Variants in WWOX observed in about 807,000 individuals in gnomAD.
WWOX encodes WW domain-containing oxidoreductase.
Under a neutral mutation model 46.2 loss-of-function variants are expected in WWOX, and 69 were observed. The ratio of observed to expected loss-of-function variants is 1.49; its 90% CI spans 1.23 to 1.82. The LOEUF (loss-of-function observed/expected upper bound fraction) is 1.82, where lower values mean the gene tolerates loss of function less well. Ranked by LOEUF, WWOX falls within the 40% of genes most tolerant of loss-of-function variation. The probability of loss-of-function intolerance (pLI) is 0.00; values close to 1 mark genes in which losing one functional copy is unlikely to be tolerated. For missense variants in WWOX, 919 were observed against 542.6 expected, an observed-to-expected ratio of 1.69 and a Z score of -6.89; for synonymous variants, 359 against 202.6, an observed-to-expected ratio of 1.77 and a Z score of -6.56.
At chr16:78,894,434 C>G (rs188943946) in intron 8 of WWOX, among the ~76,000 whole-genome samples, 2 of 152,108 alleles carry the variant, frequency 1.3e-5, no homozygotes, top group Non-Finnish European at 2.9e-5. Flanking sequence ...TCATAAAGTC[C>G]TAGACTATTT....
At position 78,989,312 on chromosome 16, in the gene WWOX, A is replaced by G. The variant is rs1326282553; in HGVS notation, c.1057-222296A>G. 3.9e-5 allele frequency among the ~76,000 whole-genome samples: 6 copies of G among 152,184 alleles called. No homozygotes were observed. The East Asian group carries it at 1.2e-3, about 29-fold the overall frequency. Reference sequence around the variant, plus strand: ...TTTGATTAGTTCAATATCAAGAGCTAAATACATTAGCTTATATATATGTCT... The same window carrying G: ...TTTGATTAGTTCAATATCAAGAGCTGAATACATTAGCTTATATATATGTCT... On this transcript the variant is annotated intron_variant, in intron 8 of 8. Transcript: ENST00000566780.
chr16:78,865,288 C>G (rs570983450), intron 8 of WWOX, among the ~76,000 whole-genome samples: 6 of 152,052 alleles, frequency 3.9e-5, no homozygotes, highest in South Asian at 2.1e-4. Context: ...CTCTGTTATT[C>G]CTTGCCAATC....
intron 8 of WWOX, among the ~76,000 whole-genome samples, chr16:79,055,569 C>T (rs1046724483): frequency 6.6e-6 from 1 of 152,172 alleles, no homozygotes; most frequent in Non-Finnish European, 1.5e-5. Flanking sequence ...GAAGTTACTT[C>T]CCATTCCCCA....
At chr16:78,790,147 A>T (rs73575619) in intron 8 of WWOX, among the ~76,000 whole-genome samples, 5 of 152,040 alleles carry the variant, frequency 3.3e-5, no homozygotes, top group African/African-American at 1.2e-4. Flanking sequence ...AATTTATTTT[A>T]TTTTTTTGGG....
At chr16:79,047,891 A>C (rs1157170817) in intron 8 of WWOX, among the ~76,000 whole-genome samples, 2 of 151,304 alleles carry the variant, frequency 1.3e-5, no homozygotes, top group Non-Finnish European at 2.9e-5. Context: ...TCAGATTCAC[A>C]GACTCTGCAT....
intron 8 of WWOX, among the ~76,000 whole-genome samples, chr16:78,508,030 C>T (rs1028116675): frequency 8.7e-4 from 121 of 139,520 alleles, no homozygotes; most frequent in African/African-American, 3.0e-3. Context: ...GTGTGTGTGA[C>T]GGAGTCTTGC....
At chr16:78,760,935 T>C (rs2142488000) in intron 8 of WWOX, among the ~76,000 whole-genome samples, 1 of 152,190 alleles carries the variant, frequency 6.6e-6, no homozygotes, top group East Asian at 1.9e-4. Context: ...GAAGAGAGCT[T>C]GTGCAGGGAA....
chr16:78,385,233 G>A (rs1426645816), intron 5 of WWOX, among the ~76,000 whole-genome samples: 2 of 151,974 alleles, frequency 1.3e-5, no homozygotes, highest in Non-Finnish European at 2.9e-5. Flanking sequence ...CTGGTCTGAT[G>A]TGGCCTTCAG....
chr16:78,631,989 A>G (rs1567450374), intron 8 of WWOX, among the ~76,000 whole-genome samples: 2 of 151,804 alleles, frequency 1.3e-5, no homozygotes, highest in Admixed American at 6.5e-5. Flanking sequence ...TCGGAAAAAT[A>G]AAACAAAGTT....
At chr16:78,427,838 C>G (rs1432068018) in intron 7 of WWOX, among the ~76,000 whole-genome samples, 2 of 152,050 alleles carry the variant, frequency 1.3e-5, no homozygotes, top group East Asian at 3.9e-4. Flanking sequence ...CAGTGTCTCA[C>G]GCCTGTAATC....
chr16:78,989,699 A>G (rs4362402), intron 8 of WWOX, among the ~76,000 whole-genome samples: 150,719 of 152,226 alleles, frequency 0.99, 74,634 homozygotes, highest in East Asian at 1. Flanking sequence ...TGAGTAAGCC[A>G]GAAGCAGAGC....
chr16:78,388,944 G>A (rs1368652810), intron 6 of WWOX, among the ~76,000 whole-genome samples: 16 of 150,948 alleles, frequency 1.1e-4, no homozygotes, highest in African/African-American at 3.2e-4. Context: ...ACTCCAGCCC[G>A]GGTGACAAGA....
chr16:78,145,339 C>T lies in WWOX; in HGVS notation c.410-18844C>T, dbSNP rs576991895. Among the ~76,000 whole-genome samples, 11 of 152,168 alleles carry T rather than the reference C, an allele frequency of 7.2e-5. No homozygotes were observed. In the East Asian group the frequency reaches 2.1e-3, roughly 29 times the overall value. ...CCTCAAACCTCAAAAATAGAGAAGC[C>T]GATAGTGTAGCCTTCAGGCTGTGGT... is the stretch of plus-strand genomic sequence containing the variant. On this transcript the variant is annotated intron_variant, in intron 4 of 8. Coordinates refer to ENST00000566780, the MANE Select transcript of WWOX (RefSeq NM_016373.4).
chr16:78,453,439 T>G (rs200254794), intron 8 of WWOX, among the ~76,000 whole-genome samples: 3 of 132,090 alleles, frequency 2.3e-5, no homozygotes, highest in African/African-American at 8.4e-5. Context: ...AAAAAAAAAA[T>G]TTCTTATTCA....
intron 6 of WWOX, among the ~76,000 whole-genome samples, chr16:78,406,135 CAAACTT>C (rs1458077109): frequency 1.3e-5 from 2 of 151,454 alleles, no homozygotes; most frequent in African/African-American, 4.8e-5. Flanking sequence ...CTTGCTTTCT[CAAACTT>C]AAGCCAACTA....
chr16:79,197,373 C>T (rs1482338931), intron 8 of WWOX, among the ~76,000 whole-genome samples: 1 of 152,182 alleles, frequency 6.6e-6, no homozygotes, highest in South Asian at 2.1e-4. Flanking sequence ...TGTACATTTC[C>T]TCCCAACTCT....
intron 8 of WWOX, among the ~76,000 whole-genome samples, chr16:78,702,099 G>GA (rs2048234786): frequency 2.4e-5 from 1 of 41,990 alleles, no homozygotes; most frequent in African/African-American, 1.0e-4. Flanking sequence ...TATCTATAAA[G>GA]TTATATATAT....
At chr16:78,866,229 T>A (rs1221228498) in intron 8 of WWOX, among the ~76,000 whole-genome samples, 1 of 152,110 alleles carries the variant, frequency 6.6e-6, no homozygotes, top group Non-Finnish European at 1.5e-5. Context: ...AGCAGTGATA[T>A]AAATCAGAGC....
At chr16:78,445,390 A>G (rs886510617) in intron 8 of WWOX, among the ~76,000 whole-genome samples, 1 of 152,198 alleles carries the variant, frequency 6.6e-6, no homozygotes. Flanking sequence ...AACAAATATT[A>G]TTGAGCATCT....
Sources: gnomAD v4.1 joint callset for allele counts (sites outside exome capture counted in the v4.1 genomes callset) on GRCh38, gnomAD v4.1.1 for gene constraint, MANE v1.5 for transcripts, NCBI Gene and HGNC (gene_info 2026-07-23, HGNC 2026-07-21) for gene names.